The following SDK1 variants were observed in gnomAD, a reference collection of about 807,000 sequenced individuals.
The protein encoded by SDK1 is protein sidekick-1.
Under a neutral mutation model 245.5 loss-of-function variants are expected in SDK1, and 157 were observed. That is an observed-to-expected ratio of 0.64 (90% CI 0.56 to 0.73). The LOEUF (loss-of-function observed/expected upper bound fraction) is 0.73. Ranked by LOEUF, SDK1 falls within the 30% of genes least tolerant of loss-of-function variation. SDK1 has a pLI of 0.00. For missense variants in SDK1, 3,583 were observed against 3,002.3 expected, an observed-to-expected ratio of 1.19 and a Z score of -4.52; for synonymous variants, 1,647 against 1,278.5, an observed-to-expected ratio of 1.29 and a Z score of -6.15.
chr7:4,059,170 C>T (rs1175525083), intron 19 of SDK1, among the ~76,000 whole-genome samples: 1 of 151,014 alleles, frequency 6.6e-6, no homozygotes. Context: ...AAAACAAAAA[C>T]AAACCATGAC....
intron 17 of SDK1, among the ~76,000 whole-genome samples, chr7:4,041,288 C>CTTTTTTT (rs58871072): frequency 2.8e-5 from 4 of 142,014 alleles, no homozygotes; most frequent in African/African-American, 1.1e-4. Context: ...TTTTGTTTTA[C>CTTTTTTT]TTTTTTTTTT....
At chr7:4,083,790 C>G (rs1367266625) in intron 22 of SDK1, among the ~76,000 whole-genome samples, 3 of 121,428 alleles carry the variant, frequency 2.5e-5, no homozygotes, top group African/African-American at 9.6e-5. Context: ...TCCCTCCTTT[C>G]CTCTCTCCCT....
At chr7:3,830,726 G>C (rs1330916568) in intron 5 of SDK1, among the ~76,000 whole-genome samples, 1 of 152,064 alleles carries the variant, frequency 6.6e-6, no homozygotes, top group Non-Finnish European at 1.5e-5. Context: ...CTTGAACTCG[G>C]GCTCAAACAG....
intron 8 of SDK1, among the ~76,000 whole-genome samples, chr7:3,960,589 C>G (rs964707262): frequency 3.9e-5 from 6 of 152,226 alleles, no homozygotes; most frequent in South Asian, 2.1e-4. Context: ...CAGACCCCCT[C>G]CCGACCCACC....
chr7:3,895,166 A>G (rs1469321670), intron 5 of SDK1, among the ~76,000 whole-genome samples: 1 of 152,208 alleles, frequency 6.6e-6, no homozygotes, highest in Non-Finnish European at 1.5e-5. Context: ...AAGAAATCAT[A>G]AGTAGTAATT....
In SDK1 at chr7:4,110,108, C is replaced by T. The variant is rs146533375; in HGVS notation, c.3325-555C>T. Among the ~76,000 whole-genome samples the T allele has an allele frequency of 2.7e-4, 41 of 152,314 alleles. No homozygotes were observed. The East Asian group carries it at 7.4e-3, about 27-fold the overall frequency. On this transcript the variant is annotated intron_variant, in intron 22 of 44. Coordinates refer to ENST00000404826, the MANE Select transcript of SDK1 (RefSeq NM_152744.4). ...AAGGGGACTGGGCCTGCCGATCTGG[C>T]TTCCAGGGCAGAAGACTCATCCTTC...
chr7:4,081,043 C>T (rs925981785), intron 22 of SDK1, among the ~76,000 whole-genome samples: 3 of 152,174 alleles, frequency 2.0e-5, no homozygotes, highest in Non-Finnish European at 4.4e-5. Flanking sequence ...CTTTTAGGCC[C>T]GCAGAAGCAC....
At chr7:4,219,982 A>C (rs1400488561) in intron 38 of SDK1, 127 bp from the exon 39 acceptor site, 6 of 1,137,530 alleles carry the variant, frequency 5.3e-6, no homozygotes, top group Non-Finnish European at 6.2e-6. Context: ...ATAAACTCCT[A>C]ATAGTAAGAA....
At chr7:3,495,473 A>G (rs566678177) in intron 1 of SDK1, among the ~76,000 whole-genome samples, 2 of 152,096 alleles carry the variant, frequency 1.3e-5, no homozygotes, top group South Asian at 2.1e-4. Flanking sequence ...TGCCCAGGCA[A>G]GTCTTGAACA....
intron 43 of SDK1, among the ~76,000 whole-genome samples, chr7:4,242,592 A>G (rs1465331175): frequency 6.6e-6 from 1 of 152,092 alleles, no homozygotes; most frequent in African/African-American, 2.4e-5. Flanking sequence ...TCTGGAAGGA[A>G]AAACCCAAAC....
At chr7:3,675,267 A>G (rs191588268) in intron 4 of SDK1, among the ~76,000 whole-genome samples, 3 of 152,340 alleles carry the variant, frequency 2.0e-5, no homozygotes, top group Admixed American at 1.3e-4. Context: ...TTCAAAAGCT[A>G]TTCAAAATCC....
chr7:3,655,921 A>T (rs1368660901), intron 4 of SDK1, among the ~76,000 whole-genome samples: 1 of 152,118 alleles, frequency 6.6e-6, no homozygotes, highest in Admixed American at 6.5e-5. Context: ...TGGCCACCTC[A>T]CCAGTGTCTG....
At chr7:4,183,786 C>A (rs924147559) in intron 35 of SDK1, among the ~76,000 whole-genome samples, 1 of 152,126 alleles carries the variant, frequency 6.6e-6, no homozygotes, top group Non-Finnish European at 1.5e-5. Flanking sequence ...TAGGGAAGGA[C>A]CATTATCAGC....
intron 1 of SDK1, among the ~76,000 whole-genome samples, chr7:3,349,165 T>G (rs1780588985): frequency 6.7e-6 from 1 of 149,882 alleles, no homozygotes; most frequent in Non-Finnish European, 1.5e-5. Flanking sequence ...CCCATTGCCT[T>G]CAGCTGCCCT....
chr7:3,471,934 A>T (rs1329152217), intron 1 of SDK1, among the ~76,000 whole-genome samples: 1 of 152,210 alleles, frequency 6.6e-6, no homozygotes, highest in Admixed American at 6.5e-5. Flanking sequence ...TTTGAAAATA[A>T]TCAAACTCTT....
At chr7:3,599,754 A>G (rs1337626548) in intron 1 of SDK1, among the ~76,000 whole-genome samples, 1 of 152,206 alleles carries the variant, frequency 6.6e-6, no homozygotes, top group African/African-American at 2.4e-5. Context: ...CTCAAAAGTC[A>G]GTTGGCTGCC....
chr7:3,873,424 G>C (rs1327297404), intron 5 of SDK1, among the ~76,000 whole-genome samples: 1 of 151,986 alleles, frequency 6.6e-6, no homozygotes, highest in Non-Finnish European at 1.5e-5. Flanking sequence ...TGTAGAGTTT[G>C]TGTTTTGTTT....
In SDK1 at chr7:3,493,110, C is replaced by T. The variant is rs145275795; in HGVS notation, c.299-125970C>T. On this transcript the variant is annotated intron_variant, in intron 1 of 44. Transcript: ENST00000404826. Reference sequence around the variant, plus strand: ...GGACTACAGGTGCCCGCCACCAAGCCTGGCTAATTTTTTTGTATTTTTACT... The same window carrying T: ...GGACTACAGGTGCCCGCCACCAAGCTTGGCTAATTTTTTTGTATTTTTACT... Among the ~76,000 whole-genome samples the T allele has an allele frequency of 9.9e-3, 1,500 of 152,200 alleles. 26 individuals are homozygous for T. The highest frequency in any genetic ancestry group is 0.059 in the South Asian group (285 of 4,814).
At chr7:3,777,071 A>G (rs1204409487) in intron 4 of SDK1, among the ~76,000 whole-genome samples, 1 of 152,058 alleles carries the variant, frequency 6.6e-6, no homozygotes, top group East Asian at 1.9e-4. Flanking sequence ...TTTTCTCTAA[A>G]ATCTATTTTG....
Sources: allele counts gnomAD v4.1 joint callset (sites outside exome capture counted in the v4.1 genomes callset), GRCh38; gene constraint gnomAD v4.1.1; transcripts MANE v1.5; gene names NCBI Gene and HGNC (gene_info 2026-07-23, HGNC 2026-07-21).